Variants in AGL observed in about 807,000 individuals in gnomAD.
AGL encodes the protein glycogen debranching enzyme.
A neutral mutation model predicts 199.3 loss-of-function variants in AGL; 128 were observed. That is an observed-to-expected ratio of 0.64 (90% CI 0.56 to 0.74). AGL has a LOEUF of 0.74. Among genes scored for constraint, AGL ranks in the 30% least tolerant of loss-of-function variants. AGL has a pLI of 0.00. For synonymous variants in AGL, 584 were observed against 594.7 expected, an observed-to-expected ratio of 0.98 and a Z score of 0.26; for missense variants, 1,809 against 1,820.8, an observed-to-expected ratio of 0.99 and a Z score of 0.12.
chr1:99,851,241 C>T (rs1438029890), intron 2 of AGL, 117 bp downstream of exon 2: 1 of 948,222 alleles, frequency 1.1e-6, no homozygotes. Flanking sequence ...GGGTCTAAAA[C>T]TTGATTTGTG....
At chr1:99,875,025 A>G in intron 8 of AGL, 129 bp from the exon 9 acceptor site, 1 of 1,044,234 alleles carries the variant, frequency 9.6e-7, no homozygotes, top group Non-Finnish European at 1.4e-6. Flanking sequence ...CAATTGGAAA[A>G]CATCATCAGC....
chr1:99,921,145 G>T (rs1276045782), intron 33 of AGL, among the ~76,000 whole-genome samples: 1 of 151,508 alleles, frequency 6.6e-6, no homozygotes, highest in Non-Finnish European at 1.5e-5. Context: ...ATAGTTCTTA[G>T]TGTTTCTTCA....
At chr1:99,915,083 G>C (rs1470836035) in intron 30 of AGL, among the ~76,000 whole-genome samples, 2 of 152,076 alleles carry the variant, frequency 1.3e-5, no homozygotes, top group Non-Finnish European at 2.9e-5. Context: ...TGTCTCCAAA[G>C]GGGTTAAAAT....
chr1:99,891,396 A>G, intron 22 of AGL, 40 bp downstream of exon 22: 1 of 1,601,758 alleles, frequency 6.2e-7, no homozygotes, highest in Non-Finnish European at 8.5e-7. Context: ...AATCAAGGAC[A>G]TAATAATAAA....
intron 17 of AGL, 33 bp from the exon 18 acceptor site, chr1:99,884,087 A>C (rs780319526): frequency 1.9e-6 from 3 of 1,579,646 alleles, no homozygotes; most frequent in African/African-American, 2.7e-5. Context: ...ATTCCATATG[A>C]AATTTTGTTA....
At chr1:99,891,121 C>A in intron 21 of AGL, 99 bp from the exon 22 acceptor site, 5 of 1,490,676 alleles carry the variant, frequency 3.4e-6, no homozygotes, top group African/African-American at 1.4e-5. Context: ...GTATTCACCC[C>A]AAATCACTAG....
At position 99,861,718 on chromosome 1, in the gene AGL, GT is replaced by G. The variant is rs1283422646; in HGVS notation, c.293+6del. 1.2e-6 allele frequency: 2 copies of G among 1,613,256 alleles called. No individual in the cohort carries two copies. The highest frequency in any genetic ancestry group is 1.7e-6 in the Non-Finnish European group (2 of 1,179,608). On this transcript the variant is annotated splice_donor_region_variant and intron_variant, in intron 3 of 33. Transcript: ENST00000361915. ...TCAGTATTATTTCCTTCAAGGGTAAGTCAGGTGTTTTGTTTGTGAGAAAAAA... is the reference window on the plus strand; with the variant it reads ...TCAGTATTATTTCCTTCAAGGGTAAGCAGGTGTTTTGTTTGTGAGAAAAAA...
chr1:99,852,423 G>T, intron 2 of AGL: 1 of 340,136 alleles, frequency 2.9e-6, no homozygotes, highest in Non-Finnish European at 5.3e-6. Flanking sequence ...CAAGCTGAGT[G>T]TTGTGGCATG....
At chr1:99,880,899 T>A in intron 14 of AGL, 104 bp downstream of exon 14, 1 of 1,404,966 alleles carries the variant, frequency 7.1e-7, no homozygotes, top group Non-Finnish European at 1.0e-6. Context: ...AAATAGTGTC[T>A]TAGATTTATA....
rs996360415 is a variant in AGL at position 99,885,840 on chromosome 1, A to T, written c.2681+1137A>T. The stretch of plus-strand genomic sequence containing the variant: ...TTATTTCAGTATATATTACAATGTA[A>T]TAATAGTAGAAATAAAGTACACAAT... On this transcript the variant is annotated intron_variant, in intron 20 of 33. Transcript: ENST00000361915. Among the ~76,000 whole-genome samples the T allele has an allele frequency of 2.6e-5, 4 of 152,144 alleles. No homozygotes were observed. The South Asian group carries it at 8.3e-4, about 32-fold the overall frequency.
In AGL at chr1:99,896,355, T is replaced by C. The variant is rs1429226817; in HGVS notation, c.3329T>C (p.Ile1110Thr). ...GRDTFIALRG[I>T]LLITGRYVEA... ...GATACTTTTATTGCACTTAGAGGTA[T>C]ACTGCTGATTACTGGACGCTATGTA... The change falls in exon 25 of 34, where the codon ATA becomes ACA. Residue 1110 changes from isoleucine to threonine, a missense_variant. Physicochemically the swap from Ile to Thr is moderately conservative, Grantham distance 89. Transcript: ENST00000361915. 6.2e-7 allele frequency: 1 copy of C among 1,614,100 alleles called. No individual in the cohort carries two copies. The highest frequency in any genetic ancestry group is 2.2e-5 in the East Asian group (1 of 44,864).
intron 33 of AGL, among the ~76,000 whole-genome samples, chr1:99,919,100 T>C (rs1232348238): frequency 6.6e-6 from 1 of 152,216 alleles, no homozygotes; most frequent in Non-Finnish European, 1.5e-5. Flanking sequence ...TAGTACTCTA[T>C]CCTGCAAATT....
At chr1:99,870,658 T>C (rs1055524522) in intron 6 of AGL, 77 bp downstream of exon 6, 1 of 1,524,156 alleles carries the variant, frequency 6.6e-7, no homozygotes, top group Non-Finnish European at 9.1e-7. Context: ...GGTTGAAAAT[T>C]ACTTAGAACC....
At chr1:99,851,665 T>A (rs1434600962) in intron 2 of AGL, among the ~76,000 whole-genome samples, 8 of 152,364 alleles carry the variant, frequency 5.3e-5, no homozygotes, top group African/African-American at 1.9e-4. Flanking sequence ...ATAACTCATC[T>A]GGTTATGTTG....
chr1:99,884,745 G>T (rs1557767574), intron 20 of AGL, 42 bp downstream of exon 20: 2 of 1,609,472 alleles, frequency 1.2e-6, no homozygotes, highest in East Asian at 4.5e-5. Flanking sequence ...ACCTTAATAA[G>T]TAAGTTACCA....
chr1:99,851,126 T>C lies in AGL; in HGVS notation c.82+2T>C. 1.2e-6 allele frequency: 2 copies of C among 1,613,158 alleles called. No individual in the cohort carries two copies. Among genetic ancestry groups the C allele is most frequent in the Non-Finnish European group, 1.7e-6 (2 of 1,179,134 alleles). On this transcript the variant is annotated splice_donor_variant, in intron 2 of 33. Coordinates refer to ENST00000361915, the MANE Select transcript of AGL (RefSeq NM_000642.3). LOFTEE classifies it high-confidence loss of function. ...AGACCCTCTTCAGACTTGAACAAGG[T>C]CAGTAGCAAGTTGTTTTGATTTGCT...
At chr1:99,873,621 A>T (rs1469828928) in intron 7 of AGL, among the ~76,000 whole-genome samples, 1 of 152,004 alleles carries the variant, frequency 6.6e-6, no homozygotes, top group African/African-American at 2.4e-5. Context: ...TTTAGTAGAG[A>T]TGGAGTTTCT....
At chr1:99,852,912 A>G (rs1649098517) in intron 2 of AGL, among the ~76,000 whole-genome samples, 1 of 152,162 alleles carries the variant, frequency 6.6e-6, no homozygotes, top group South Asian at 2.1e-4. Context: ...ATATGCTTAA[A>G]TCTAGCATGT....
intron 27 of AGL, among the ~76,000 whole-genome samples, chr1:99,908,762 C>T (rs1210552132): frequency 6.6e-6 from 1 of 152,044 alleles, no homozygotes; most frequent in Admixed American, 6.6e-5. Flanking sequence ...TTCATTTTAC[C>T]AAGTAGCCGT....
Sources: allele counts gnomAD v4.1 joint callset (sites outside exome capture counted in the v4.1 genomes callset), GRCh38; gene constraint gnomAD v4.1.1; transcripts MANE v1.5; gene names NCBI Gene and HGNC (gene_info 2026-07-23, HGNC 2026-07-21).